The following NAALADL2 variants were observed in gnomAD, a reference collection of about 807,000 sequenced individuals.
NAALADL2 encodes the protein inactive N-acetylated-alpha-linked acidic dipeptidase-like protein 2.
A neutral mutation model predicts 87.2 loss-of-function variants in NAALADL2; 76 were observed. The observed-to-expected ratio is 0.87, with a 90% CI of 0.72 to 1.05. The LOEUF is 1.05. Ranked by LOEUF, NAALADL2 falls within the 50% of genes least tolerant of loss-of-function variation. The pLI, the probability that NAALADL2 is intolerant of heterozygous loss-of-function variation, is 0.00. For missense variants in NAALADL2, 1,089 were observed against 945.8 expected (o/e 1.15, Z -1.99); for synonymous variants, 354 against 331.0 (o/e 1.07, Z -0.75).
At chr3:175,508,393 C>T (rs1261409325) in intron 9 of NAALADL2, among the ~76,000 whole-genome samples, 1 of 152,128 alleles carries the variant, frequency 6.6e-6, no homozygotes, top group Non-Finnish European at 1.5e-5. Flanking sequence ...TGCCTATTTA[C>T]CTCCTTAAAT....
At chr3:174,511,663 G>A (rs777672103) in intron 1 of NAALADL2, among the ~76,000 whole-genome samples, 2 of 150,348 alleles carry the variant, frequency 1.3e-5, no homozygotes, top group African/African-American at 2.4e-5. Context: ...TTATTTCTAT[G>A]TGTAGGCTTA....
Position 174,571,375 on chromosome 3 carries a change from A to G in NAALADL2, c.-115+20738A>G, listed in dbSNP as rs139395258. 5.7e-3 allele frequency among the ~76,000 whole-genome samples: 866 copies of G among 152,190 alleles called. 8 individuals are homozygous for G. The highest frequency in any genetic ancestry group is 0.02 in the African/African-American group (816 of 41,540). On this transcript the variant is annotated intron_variant, in intron 2 of 3. Transcript: ENST00000434257. ...ATCAAATTCACTAATGCATGCATGT[A>G]AATTCTTTTTTTTTCTTTGAGACAG...
At chr3:174,698,379 TAG>T (rs953075962) in intron 2 of NAALADL2, among the ~76,000 whole-genome samples, 1 of 152,158 alleles carries the variant, frequency 6.6e-6, no homozygotes, top group African/African-American at 2.4e-5. Flanking sequence ...TGATTCTAGG[TAG>T]AGAGACATTT....
intron 2 of NAALADL2, among the ~76,000 whole-genome samples, chr3:175,131,843 C>T (rs1208534939): frequency 1.8e-5 from 2 of 112,938 alleles, no homozygotes; most frequent in African/African-American, 3.8e-5. Flanking sequence ...ACCTCCCTCC[C>T]GGACGGGGCG....
chr3:175,078,212 A>G (rs2109211018), intron 1 of NAALADL2, among the ~76,000 whole-genome samples: 1 of 151,964 alleles, frequency 6.6e-6, no homozygotes, highest in East Asian at 1.9e-4. Context: ...TTTATTACAG[A>G]CGAAGTTTTG....
intron 3 of NAALADL2, among the ~76,000 whole-genome samples, chr3:174,811,898 C>A (rs1244953670): frequency 6.6e-6 from 1 of 152,080 alleles, no homozygotes; most frequent in African/African-American, 2.4e-5. Flanking sequence ...TAGCACCATC[C>A]ATTTGTTGTT....
intron 1 of NAALADL2, among the ~76,000 whole-genome samples, chr3:174,531,353 G>A (rs1721222750): frequency 6.6e-6 from 1 of 152,012 alleles, no homozygotes; most frequent in Non-Finnish European, 1.5e-5. Context: ...ATCGGTGCAA[G>A]AGTGATAGTG....
At chr3:174,737,804 A>G (rs1353766659) in intron 3 of NAALADL2, 1 of 152,216 alleles carries the variant, frequency 6.6e-6, no homozygotes, top group Non-Finnish European at 1.5e-5. Flanking sequence ...TCAACTTTTA[A>G]TAAGGTGACT....
chr3:175,133,697 C>G (rs555487810), intron 2 of NAALADL2, among the ~76,000 whole-genome samples: 12 of 152,202 alleles, frequency 7.9e-5, no homozygotes, highest in African/African-American at 2.9e-4. Flanking sequence ...GGCTTGGCAT[C>G]AGAGGGAGAC....
intron 11 of NAALADL2, among the ~76,000 whole-genome samples, chr3:175,702,640 C>A (rs1739147475): frequency 6.6e-6 from 1 of 152,226 alleles, no homozygotes; most frequent in African/African-American, 2.4e-5. Flanking sequence ...TCATCCCATG[C>A]CAGATCCTGA....
At chr3:174,708,385 A>T (rs1382013007) in intron 2 of NAALADL2, among the ~76,000 whole-genome samples, 2 of 152,180 alleles carry the variant, frequency 1.3e-5, no homozygotes, top group African/African-American at 2.4e-5. Flanking sequence ...TGAAGTTTGC[A>T]TGCTTGATCC....
chr3:175,626,823 A>G (rs1237430515), intron 10 of NAALADL2, among the ~76,000 whole-genome samples: 3 of 151,890 alleles, frequency 2.0e-5, no homozygotes, highest in Non-Finnish European at 4.4e-5. Flanking sequence ...TACACTCAGT[A>G]TACTTCTAAG....
rs16824515 is a variant in NAALADL2, at chr3:175,177,635, G to C, written c.546-56296G>C. ...CATAAAAATGCAAAATATAAAAGGA[G>C]CATCTATCGTATAACATACTCTGAC... is the stretch of plus-strand genomic sequence containing the variant. On this transcript the variant is annotated intron_variant, in intron 2 of 13. Coordinates refer to ENST00000454872, the MANE Select transcript of NAALADL2 (RefSeq NM_207015.3). Among the ~76,000 whole-genome samples, 190 of 152,142 alleles carry C rather than the reference G, an allele frequency of 1.2e-3. 2 individuals are homozygous for C. The East Asian group carries it at 0.032, about 26-fold the overall frequency.
At chr3:174,936,741 G>A (rs1737744691) in intron 1 of NAALADL2, among the ~76,000 whole-genome samples, 1 of 152,118 alleles carries the variant, frequency 6.6e-6, no homozygotes, top group Non-Finnish European at 1.5e-5. Flanking sequence ...CAAACCGACA[G>A]TACTGACAGG....
chr3:175,166,567 A>AT (rs35994437), intron 2 of NAALADL2, among the ~76,000 whole-genome samples: 58,579 of 149,238 alleles, frequency 0.39, 11,534 homozygotes, highest in Admixed American at 0.45. Flanking sequence ...AACACCACAC[A>AT]TTTTTTTTTT....
intron 2 of NAALADL2, among the ~76,000 whole-genome samples, chr3:174,557,866 C>G (rs1713042892): frequency 6.6e-6 from 1 of 152,172 alleles, no homozygotes. Context: ...CAGGCACAAA[C>G]TTCCAGAGCC....
intron 2 of NAALADL2, among the ~76,000 whole-genome samples, chr3:175,190,909 C>T (rs951929025): frequency 7.6e-5 from 11 of 144,116 alleles, no homozygotes; most frequent in East Asian, 2.1e-4. Flanking sequence ...ACCCGGGAGG[C>T]GGAGCTTGCA....
At chr3:175,210,679 A>T (rs544890235) in intron 2 of NAALADL2, among the ~76,000 whole-genome samples, 1 of 151,570 alleles carries the variant, frequency 6.6e-6, no homozygotes, top group Non-Finnish European at 1.5e-5. Context: ...AGGTTTAAAA[A>T]CTTCCCTCAA....
At chr3:174,550,540 G>A (rs1711992710) in intron 1 of NAALADL2, 1 of 151,912 alleles carries the variant, frequency 6.6e-6, no homozygotes, top group Non-Finnish European at 1.5e-5. Context: ...TGTTAAATAA[G>A]CAATTTTTTT....
Sources: gnomAD v4.1 joint callset for allele counts (sites outside exome capture counted in the v4.1 genomes callset) on GRCh38, gnomAD v4.1.1 for gene constraint, MANE v1.5 for transcripts, NCBI Gene and HGNC (gene_info 2026-07-23, HGNC 2026-07-21) for gene names.